OSBP2: variants seen among roughly 807,000 people sequenced by gnomAD.
OSBP2 encodes the protein oxysterol binding protein 2, also known as oxysterol-binding protein 2.
A neutral mutation model predicts 96.0 loss-of-function variants in OSBP2; 66 were observed. The ratio of observed to expected loss-of-function variants is 0.69; its 90% confidence interval spans 0.56 to 0.84. The LOEUF is 0.84. OSBP2 is among the 40% of genes least tolerant of loss of function. OSBP2 has a pLI of 0.00. For synonymous variants in OSBP2, 525 were observed against 520.9 expected (o/e 1.01, Z -0.11); for missense variants, 1,038 against 1,222.7 (o/e 0.85, Z 2.25).
rs1374028476 is a variant in OSBP2 at position 30,893,721 on chromosome 22, G to C, written c.2178G>C (p.Glu726Asp). The change falls in exon 11 of 14, where the codon GAG becomes GAC. Residue 726 changes from glutamate to aspartate, a missense_variant. This residue lies in a region of OSBP2 where 737 missense variants were observed against 913.3 expected (regional missense o/e 0.81). Coordinates refer to ENST00000332585, the MANE Select transcript of OSBP2 (RefSeq NM_030758.4). The part of the protein sequence containing the change: ...KFLPYSYFSK[E>D]AARKVTGVVS... ...TGCCCTACAGCTACTTCTCCAAAGA[G>C]GCAGCCCGGAAGGTAAGCAGGACCA... 1 of 1,614,118 alleles carries C rather than the reference G, an allele frequency of 6.2e-7. No individual in the cohort carries two copies.
intron 2 of OSBP2, among the ~76,000 whole-genome samples, chr22:30,858,196 G>T (rs1231439524): frequency 1.4e-5 from 2 of 147,516 alleles, no homozygotes; most frequent in African/African-American, 5.2e-5. Flanking sequence ...CCGGACTGCG[G>T]ACTGCAGTGG....
chr22:30,806,528 C>T (rs2090930406), intron 2 of OSBP2, among the ~76,000 whole-genome samples: 1 of 152,176 alleles, frequency 6.6e-6, no homozygotes, highest in Non-Finnish European at 1.5e-5. Flanking sequence ...GAGCAGAGCC[C>T]TTGGAAATCA....
At chr22:30,792,253 C>T (rs2090685513) in intron 2 of OSBP2, among the ~76,000 whole-genome samples, 1 of 151,564 alleles carries the variant, frequency 6.6e-6, no homozygotes, top group Non-Finnish European at 1.5e-5. Flanking sequence ...GTGGAGCTTG[C>T]AGTGAATTGA....
intron 2 of OSBP2, among the ~76,000 whole-genome samples, chr22:30,852,793 A>G (rs2039000645): frequency 6.6e-6 from 1 of 152,124 alleles, no homozygotes; most frequent in African/African-American, 2.4e-5. Flanking sequence ...TCCAGGCACT[A>G]CCTTAGCTTC....
chr22:30,771,900 T>C (rs993496860), intron 2 of OSBP2, among the ~76,000 whole-genome samples: 23 of 152,286 alleles, frequency 1.5e-4, no homozygotes, highest in African/African-American at 5.5e-4. Flanking sequence ...TCTCCTTCCA[T>C]GGAAAGGACA....
At chr22:30,775,798 GGTT>G (rs1042893028) in intron 2 of OSBP2, among the ~76,000 whole-genome samples, 7 of 151,758 alleles carry the variant, frequency 4.6e-5, no homozygotes, top group African/African-American at 1.2e-4. Context: ...TTGGGGGGGA[GGTT>G]GTTTTTTTTT....
At chr22:30,733,077 T>C (rs189433316) in intron 1 of OSBP2, among the ~76,000 whole-genome samples, 8 of 152,182 alleles carry the variant, frequency 5.3e-5, no homozygotes, top group Non-Finnish European at 1.0e-4. Flanking sequence ...GAAGGATAAA[T>C]TGTGTATCCC....
chr22:30,757,495 G>A (rs774168174), intron 2 of OSBP2, among the ~76,000 whole-genome samples: 8 of 151,708 alleles, frequency 5.3e-5, no homozygotes, highest in Non-Finnish European at 1.2e-4. Context: ...TCGGCTCACT[G>A]CAACCTCCGC....
chr22:30,871,299 A>T lies in OSBP2; in HGVS notation c.1107+617A>T, dbSNP rs571450939. Reference sequence around the variant, plus strand: ...TGGCTCTGGAAGCCACACGGCTAGGACTGGGAGCCAGGAGGGTGTCTCGAT... The same window carrying T: ...TGGCTCTGGAAGCCACACGGCTAGGTCTGGGAGCCAGGAGGGTGTCTCGAT... On this transcript the variant is annotated intron_variant, in intron 3 of 13. Transcript: ENST00000332585. The surrounding 1 kb of genome is among the most constrained non-coding windows in gnomAD (Gnocchi z 4.7). Among the ~76,000 whole-genome samples, 3 of 152,000 alleles carry T rather than the reference A, an allele frequency of 2.0e-5. No homozygotes were observed. Among genetic ancestry groups the T allele is most frequent in the Admixed American group, 6.5e-5 (1 of 15,274 alleles).
At chr22:30,806,961 C>T (rs546885888) in intron 2 of OSBP2, among the ~76,000 whole-genome samples, 3 of 152,314 alleles carry the variant, frequency 2.0e-5, no homozygotes, top group African/African-American at 7.2e-5. Flanking sequence ...CTGCCAACAG[C>T]CTGAGTTCCA....
intron 2 of OSBP2, among the ~76,000 whole-genome samples, chr22:30,775,756 G>A (rs980174798): frequency 6.6e-6 from 1 of 152,028 alleles, no homozygotes; most frequent in Non-Finnish European, 1.5e-5. Context: ...GGCACATATA[G>A]GTGTGTATAT....
chr22:30,696,338 G>T (rs918920456), intron 1 of OSBP2, among the ~76,000 whole-genome samples: 2 of 152,192 alleles, frequency 1.3e-5, no homozygotes, highest in Non-Finnish European at 2.9e-5. Flanking sequence ...TGAGAACTCA[G>T]ATCAGTCTAT....
intron 1 of OSBP2, among the ~76,000 whole-genome samples, chr22:30,700,956 G>C (rs928685817): frequency 6.6e-6 from 1 of 151,844 alleles, no homozygotes; most frequent in Non-Finnish European, 1.5e-5. Flanking sequence ...TTAGCTAGGC[G>C]TGGTGACGCA....
At chr22:30,836,510 T>C (rs2038635742) in intron 2 of OSBP2, among the ~76,000 whole-genome samples, 1 of 152,222 alleles carries the variant, frequency 6.6e-6, no homozygotes, top group East Asian at 1.9e-4. Flanking sequence ...TCCTTTTCTT[T>C]GCCTGGCAAA....
At chr22:30,801,986 A>AGAAT (rs136263) in intron 2 of OSBP2, among the ~76,000 whole-genome samples, 31,502 of 151,694 alleles carry the variant, frequency 0.21, 4,163 homozygotes, top group African/African-American at 0.38. Flanking sequence ...GTACATAAAT[A>AGAAT]GAATGAATGA....
rs2089010906 is a variant in OSBP2, at chr22:30,695,467, G to A, written c.558G>A (p.Glu186=). The part of the protein sequence containing the change: ...PLALLPLDSF[E]GWLLKWTNYL... The stretch of plus-strand genomic sequence containing the variant: ...CCTTACTGCCTCTGGACAGCTTCGA[G>A]GGCTGGCTTCTCAAGTGGACCAACT... Residue 186 remains glutamate, a synonymous_variant, in exon 1 of 14, where the codon GAG becomes GAA. Transcript: ENST00000332585. 6.2e-7 allele frequency: 1 copy of A among 1,613,544 alleles called. No homozygotes were observed. The highest frequency in any genetic ancestry group is 1.1e-5 in the South Asian group (1 of 91,092).
chr22:30,885,636 C>T lies in OSBP2; in HGVS notation c.1108-1790C>T, dbSNP rs778156953. ...CTCTGAGCTGGGGAGGATAGCAGAA[C>T]GTGGCTTTCCTTCCTTCTGTGCCAC... On this transcript the variant is annotated intron_variant, in intron 3 of 13. Transcript: ENST00000332585. 1.1e-3 allele frequency among the ~76,000 whole-genome samples: 174 copies of T among 152,376 alleles called. 1 individual carries two copies. Among genetic ancestry groups the T allele is most frequent in the African/African-American group, 3.8e-3 (158 of 41,594 alleles).
At chr22:30,697,808 C>T (rs1429423613) in intron 1 of OSBP2, among the ~76,000 whole-genome samples, 1 of 152,158 alleles carries the variant, frequency 6.6e-6, no homozygotes, top group African/African-American at 2.4e-5. Flanking sequence ...ATGAACGATT[C>T]CTGACATTTA....
chr22:30,889,074 A>G (rs2039883649), intron 5 of OSBP2, 103 bp from the exon 6 acceptor site: 9 of 985,590 alleles, frequency 9.1e-6, no homozygotes, highest in Non-Finnish European at 1.4e-5. Context: ...TGACCAGGAC[A>G]TTTACTAGCA....
Sources: allele counts gnomAD v4.1 joint callset (sites outside exome capture counted in the v4.1 genomes callset), GRCh38; gene constraint gnomAD v4.1.1; regional missense constraint gnomAD v4.1.1; non-coding constraint Gnocchi (gnomAD v3.1); transcripts MANE v1.5; gene names NCBI Gene and HGNC (gene_info 2026-07-23, HGNC 2026-07-21).